Variants in MTM1 observed in about 807,000 individuals in gnomAD.
MTM1 encodes myotubularin 1.
MTM1 carries 9 observed loss-of-function variants against 52.1 expected under a neutral mutation model. The ratio of observed to expected loss-of-function variants is 0.17; its 90% CI spans 0.10 to 0.30. The LOEUF (loss-of-function observed/expected upper bound fraction) is 0.30. Among genes scored for constraint, MTM1 ranks in the 10% least tolerant of loss-of-function variants. The probability of loss-of-function intolerance (pLI) is 1.00; values close to 1 mark genes in which losing one functional copy is unlikely to be tolerated. For missense variants in MTM1, 277 were observed against 470.7 expected (o/e 0.59, Z 3.81); for synonymous variants, 136 against 163.8 (o/e 0.83, Z 1.29).
chrX:150,663,020 T>A (rs982823646), intron 13 of MTM1, among the ~76,000 whole-genome samples: 1 of 112,218 alleles, frequency 8.9e-6, no homozygotes, highest in African/African-American at 3.2e-5. Flanking sequence ...AGACACAGAT[T>A]AAGATTTCAT....
intron 1 of MTM1, among the ~76,000 whole-genome samples, chrX:150,592,262 T>C (rs782034183): frequency 2.7e-5 from 3 of 111,875 alleles, no homozygotes; most frequent in Admixed American, 9.5e-5. Context: ...TTGAGGCCTG[T>C]TGCACAATTA....
intron 9 of MTM1, among the ~76,000 whole-genome samples, chrX:150,647,301 G>C (rs1162344204): frequency 1.9e-5 from 2 of 106,995 alleles, no homozygotes; most frequent in Non-Finnish European, 3.8e-5. Context: ...GAATATTTTA[G>C]AATATTAAAA....
Position 150,655,581 on chromosome X carries a change from T to C in MTM1, c.1054-2240T>C, listed in dbSNP as rs782254605. 2.7e-5 allele frequency among the ~76,000 whole-genome samples: 3 copies of C among 112,154 alleles called. No individual in the cohort carries two copies. In the Admixed American group the frequency reaches 2.8e-4, roughly 11 times the overall value. On this transcript the variant is annotated intron_variant, in intron 10 of 14. Coordinates refer to ENST00000370396, the MANE Select transcript of MTM1 (RefSeq NM_000252.3). ...ACCATGAGAAGGAATGAAGTACTGA[T>C]TCGTGCTACAACACAAATGAACCTT...
At chrX:150,636,877 G>A (rs2039761134) in intron 6 of MTM1, among the ~76,000 whole-genome samples, 1 of 112,410 alleles carries the variant, frequency 8.9e-6, no homozygotes, top group African/African-American at 3.2e-5. Flanking sequence ...TATGGATAAA[G>A]GAGTGCACCA....
chrX:150,615,485 TA>T (rs10583459), intron 5 of MTM1, among the ~76,000 whole-genome samples: 4,031 of 100,009 alleles, frequency 0.04, 101 homozygotes, highest in African/African-American at 0.086. Flanking sequence ...TTTGAAGTGT[TA>T]AAAAAAAAAA....
intron 1 of MTM1, among the ~76,000 whole-genome samples, chrX:150,583,149 T>G (rs1487439003): frequency 1.3e-5 from 1 of 78,111 alleles, no homozygotes; most frequent in Non-Finnish European, 2.2e-5. Flanking sequence ...ATTATAAATA[T>G]ATATAAATTA....
At chrX:150,596,233 T>C (rs1339150534) in intron 2 of MTM1, among the ~76,000 whole-genome samples, 1 of 112,195 alleles carries the variant, frequency 8.9e-6, no homozygotes, top group Non-Finnish European at 1.9e-5. Context: ...CTGTTAACTT[T>C]AAAGTGCTTG....
At chrX:150,647,096 A>T (rs782664796) in intron 9 of MTM1, among the ~76,000 whole-genome samples, 4 of 109,300 alleles carry the variant, frequency 3.7e-5, no homozygotes, top group Non-Finnish European at 7.6e-5. Context: ...CGTAAGTGAA[A>T]CACTCAGGAA....
intron 7 of MTM1, among the ~76,000 whole-genome samples, chrX:150,639,515 A>G (rs1557413802): frequency 8.9e-6 from 1 of 112,524 alleles, no homozygotes. Context: ...TGATAAGTGT[A>G]CATTATAATT....
rs782090313 is a variant in MTM1 at position 150,657,173 on chromosome X, C to T, written c.1054-648C>T. The stretch of plus-strand genomic sequence containing the variant: ...ATGCTGCTATAAAGACACATGCACA[C>T]GTATGTTTATTGCGGCACTATTCAC... On this transcript the variant is annotated intron_variant, in intron 10 of 14. Coordinates refer to ENST00000370396, the MANE Select transcript of MTM1 (RefSeq NM_000252.3). 7.3e-3 allele frequency among the ~76,000 whole-genome samples: 800 copies of T among 109,929 alleles called. 3 individuals are homozygous for T. Among genetic ancestry groups the T allele is most frequent in the Non-Finnish European group, 1.0e-2 (526 of 52,755 alleles).
intron 10 of MTM1, among the ~76,000 whole-genome samples, chrX:150,651,076 C>T (rs1417772107): frequency 8.9e-6 from 1 of 112,235 alleles, no homozygotes; most frequent in African/African-American, 3.2e-5. Context: ...CTTTGCTATA[C>T]ATTATGTCTC....
intron 1 of MTM1, among the ~76,000 whole-genome samples, chrX:150,579,051 C>CTATG (rs2038529696): frequency 9.2e-6 from 1 of 108,928 alleles, no homozygotes; most frequent in Non-Finnish European, 1.9e-5. Context: ...ATCTATCTAT[C>CTATG]TATCTGTATA....
intron 1 of MTM1, among the ~76,000 whole-genome samples, chrX:150,582,454 C>T (rs1557411919): frequency 9.0e-6 from 1 of 111,343 alleles, no homozygotes; most frequent in Non-Finnish European, 1.9e-5. Flanking sequence ...TGAATTGTGT[C>T]CCCTAAAAAG....
intron 13 of MTM1, among the ~76,000 whole-genome samples, chrX:150,660,834 G>C (rs1164953761): frequency 9.1e-6 from 1 of 110,418 alleles, no homozygotes; most frequent in East Asian, 2.8e-4. Context: ...AAGAGAGAGG[G>C]GAGAGGGTGC....
chrX:150,594,479 TTTAA>T (rs1248192578), intron 2 of MTM1, among the ~76,000 whole-genome samples: 4 of 112,046 alleles, frequency 3.6e-5, no homozygotes, highest in Non-Finnish European at 7.5e-5. Flanking sequence ...TTGTTGGCCT[TTTAA>T]TTGTATTTAT....
chrX:150,573,650 A>G (rs782638434), intron 1 of MTM1, among the ~76,000 whole-genome samples: 1 of 111,898 alleles, frequency 8.9e-6, no homozygotes, highest in South Asian at 3.7e-4. Flanking sequence ...GTAGAGGCAG[A>G]GGTGGGTTAT....
rs782091828 is a variant in MTM1, at chrX:150,672,436, C to T, written c.*841C>T. 7 of 111,863 alleles carry T rather than the reference C, an allele frequency of 6.3e-5. No individual in the cohort carries two copies. The highest frequency in any genetic ancestry group is 1.1e-4 in the Non-Finnish European group (6 of 53,202). 9.2% of individuals were successfully genotyped at this position (111,863 alleles called of 1,213,427 possible). On this transcript the variant is annotated 3_prime_UTR_variant, in exon 15 of 15. Transcript: ENST00000370396. ...TTCGCAAATGTTGCTCTAGTCAGTC[C>T]AGCTCATCTGCCAAAATGTAGGGCT...
chrX:150,586,344 T>G (rs1274346306), intron 1 of MTM1, among the ~76,000 whole-genome samples: 1 of 111,406 alleles, frequency 9.0e-6, no homozygotes, highest in Non-Finnish European at 1.9e-5. Flanking sequence ...AGCCTATTTT[T>G]AGATATCTGA....
At chrX:150,609,357 A>T (rs73620641) in intron 4 of MTM1, among the ~76,000 whole-genome samples, 3,152 of 111,291 alleles carry the variant, frequency 0.028, 106 homozygotes, top group African/African-American at 0.097. Context: ...CTGATTTAAG[A>T]GGTAGACATA....
Sources: allele counts gnomAD v4.1 joint callset (sites outside exome capture counted in the v4.1 genomes callset), GRCh38; gene constraint gnomAD v4.1.1; transcripts MANE v1.5; gene names NCBI Gene and HGNC (gene_info 2026-07-23, HGNC 2026-07-21).